ZNF441: variants seen among roughly 807,000 people sequenced by gnomAD.
ZNF441 encodes the protein zinc finger protein 441.
In ZNF441, 25 loss-of-function variants were observed where a neutral mutation model predicts 64.5. The observed-to-expected ratio is 0.39, with a 90% CI of 0.28 to 0.54. The LOEUF is 0.54. ZNF441 is among the 20% of genes least tolerant of loss of function. ZNF441 has a pLI of 0.70. For missense variants in ZNF441, 715 were observed against 843.3 expected (o/e 0.85, Z 1.88); for synonymous variants, 262 against 268.0 (o/e 0.98, Z 0.22).
At chr19:11,774,292 A>G (rs1180862048) in intron 1 of ZNF441, among the ~76,000 whole-genome samples, 1 of 152,192 alleles carries the variant, frequency 6.6e-6, no homozygotes, top group African/African-American at 2.4e-5. Flanking sequence ...TCAGATAGGT[A>G]TAAGAAAACT....
chr19:11,778,820 A>G (rs1489775782), intron 3 of ZNF441, among the ~76,000 whole-genome samples: 1 of 152,222 alleles, frequency 6.6e-6, no homozygotes, highest in Non-Finnish European at 1.5e-5. Flanking sequence ...TATTCTTAGA[A>G]AATTTTCTTC....
intron 3 of ZNF441, 107 bp from the exon 4 acceptor site, chr19:11,779,912 G>GA (rs527271364): frequency 0.021 from 19,329 of 899,100 alleles, 2 homozygotes; most frequent in Middle Eastern, 0.029. Flanking sequence ...ACCTGTCTCA[G>GA]AAAAAAAAAA....
In ZNF441 at chr19:11,782,192, A is replaced by G. The variant is rs1975410662; in HGVS notation, c.*286A>G. 8.1e-6 allele frequency: 2 copies of G among 246,444 alleles called. No individual in the cohort carries two copies. The highest frequency in any genetic ancestry group is 1.6e-5 in the Non-Finnish European group (2 of 128,310). 15.3% of individuals were successfully genotyped at this position (246,444 alleles called of 1,614,324 possible). ...CCTTACTACTGTAAGGAATGTAGAA[A>G]TGCATTTACTAGTCCTAATTCATTT... On this transcript the variant is annotated 3_prime_UTR_variant, in exon 4 of 4. Coordinates refer to ENST00000357901, the MANE Select transcript of ZNF441 (RefSeq NM_152355.3).
At chr19:11,779,657 A>G (rs571383212) in intron 3 of ZNF441, among the ~76,000 whole-genome samples, 106 of 152,064 alleles carry the variant, frequency 7.0e-4, no homozygotes, top group African/African-American at 2.5e-3. Context: ...AGGCAGGAGA[A>G]TGGTGTGAAC....
chr19:11,778,857 G>T (rs1196047764), intron 3 of ZNF441, among the ~76,000 whole-genome samples: 2 of 152,088 alleles, frequency 1.3e-5, no homozygotes, highest in African/African-American at 4.8e-5. Context: ...ATGTGACATG[G>T]CTATGGCTAT....
At chr19:11,777,548 G>A (rs1975364778) in intron 1 of ZNF441, 63 bp from the exon 2 acceptor site, 1 of 1,557,554 alleles carries the variant, frequency 6.4e-7, no homozygotes, top group Non-Finnish European at 8.7e-7. Context: ...GTTATGAAGT[G>A]AATTTACATT....
In ZNF441 at chr19:11,780,463, G is replaced by A; in HGVS notation, c.639G>A (p.Met213Ile). The A allele has an allele frequency of 1.2e-6, 2 of 1,614,182 alleles. No individual in the cohort carries two copies. Among genetic ancestry groups the A allele is most frequent in the East Asian group, 2.2e-5 (1 of 44,884 alleles). Residue 213 changes from methionine (M) to isoleucine (I), a missense_variant, in exon 4 of 4, where the codon ATG (methionine) becomes ATA (isoleucine). Coordinates refer to ENST00000357901, the MANE Select transcript of ZNF441 (RefSeq NM_152355.3). ...TTATTTGGCCTAGTTTATTTCATATGCTTAGAAGAACTCACACTGAAGAGA... is the reference window on the plus strand; with the variant it reads ...TTATTTGGCCTAGTTTATTTCATATACTTAGAAGAACTCACACTGAAGAGA... ...NAFIWPSLFH[M>I]LRRTHTEEKP... is the part of the protein sequence containing the mutation.
At position 11,782,076 on chromosome 19, in the gene ZNF441, AAT is replaced by A; in HGVS notation, c.*180_*181del. The A allele has an allele frequency of 3.0e-5, 15 of 507,026 alleles. No homozygotes were observed. Among genetic ancestry groups the A allele is most frequent in the South Asian group, 4.4e-5 (1 of 22,488 alleles). 31.4% of individuals were successfully genotyped at this position (507,026 alleles called of 1,614,324 possible). On this transcript the variant is annotated 3_prime_UTR_variant, in exon 4 of 4. Transcript: ENST00000357901. ...AACATGACCAAACTCATACTTCAAAAATATATATATAATGAATGTGAGGAATA... is the reference window on the plus strand; with the variant it reads ...AACATGACCAAACTCATACTTCAAAAATATATATAATGAATGTGAGGAATA...
In ZNF441 at chr19:11,777,670, G is replaced by T. The variant is rs1329686835; in HGVS notation, c.63G>T (p.Leu21=). The part of the protein sequence containing the change: ...INFTCEEWAL[L]GPSQKSLYRD... ...TCACCTGTGAGGAGTGGGCTTTGCTGGGTCCATCACAGAAGAGTCTCTACA... is the reference window on the plus strand; with the variant it reads ...TCACCTGTGAGGAGTGGGCTTTGCTTGGTCCATCACAGAAGAGTCTCTACA... The change falls in exon 2 of 4, where the codon CTG becomes CTT. Residue 21 remains leucine (L), a synonymous_variant. Coordinates refer to ENST00000357901, the MANE Select transcript of ZNF441 (RefSeq NM_152355.3). 1.9e-6 allele frequency: 3 copies of T among 1,613,750 alleles called. No individual in the cohort carries two copies. The highest frequency in any genetic ancestry group is 2.2e-5 in the South Asian group (2 of 91,054).
chr19:11,776,799 G>C (rs1975358226), intron 1 of ZNF441, among the ~76,000 whole-genome samples: 2 of 148,942 alleles, frequency 1.3e-5, no homozygotes, highest in Admixed American at 1.4e-4. Context: ...ACAGTGACCA[G>C]AGTGTTTTTT....
intron 1 of ZNF441, among the ~76,000 whole-genome samples, chr19:11,768,501 G>C (rs1241185384): frequency 6.6e-6 from 1 of 152,172 alleles, no homozygotes; most frequent in Non-Finnish European, 1.5e-5. Context: ...CTTTGGAAAC[G>C]TTACAGAGTG....
At position 11,782,677 on chromosome 19, in the gene ZNF441, C is replaced by G. The variant is rs1010757250; in HGVS notation, c.*771C>G. The G allele has an allele frequency of 5.3e-5, 8 of 152,130 alleles. No homozygotes were observed. The East Asian group carries it at 1.5e-3, about 29-fold the overall frequency. 9.4% of individuals were successfully genotyped at this position (152,130 alleles called of 1,614,324 possible). A position where few individuals can be genotyped will look rare whatever the true frequency, so the allele number is the denominator to read the frequency against. On this transcript the variant is annotated 3_prime_UTR_variant, in exon 4 of 4. Coordinates refer to ENST00000357901, the MANE Select transcript of ZNF441 (RefSeq NM_152355.3). ...ATCTCCATAATTGCAGCTGCTTTAG[C>G]TACAAATATTATAGGAAGCTGTTCC...
chr19:11,781,510 G>T lies in ZNF441; in HGVS notation c.1686G>T (p.Gln562His). 1 of 1,614,050 alleles carries T rather than the reference G, an allele frequency of 6.2e-7. No homozygotes were observed. The highest frequency in any genetic ancestry group is 1.1e-5 in the South Asian group (1 of 91,084). The change falls in exon 4 of 4, where the codon CAG (glutamine) becomes CAT (histidine). Residue 562 changes from glutamine (Q) to histidine (H), a missense_variant. Gln to His is a conservative substitution (Grantham distance 24, BLOSUM62 0). Transcript: ENST00000357901. ...THTGEKPYGC[Q>H]QCGKALSDLS... is the part of the protein sequence containing the mutation. ...CTGGAGAGAAACCCTATGGTTGTCAGCAATGTGGGAAAGCATTATCTGATC... is the reference window on the plus strand; with the variant it reads ...CTGGAGAGAAACCCTATGGTTGTCATCAATGTGGGAAAGCATTATCTGATC...
intron 2 of ZNF441, 108 bp from the exon 3 acceptor site, chr19:11,778,222 C>A: frequency 1.3e-6 from 1 of 770,420 alleles, no homozygotes; most frequent in Non-Finnish European, 2.1e-6. Context: ...GAAGACTCAG[C>A]TGTAGTTTGG....
At chr19:11,774,322 C>T (rs1975338213) in intron 1 of ZNF441, among the ~76,000 whole-genome samples, 1 of 152,108 alleles carries the variant, frequency 6.6e-6, no homozygotes, top group Non-Finnish European at 1.5e-5. Flanking sequence ...CAAATGTCTT[C>T]ATTTAATTCT....
Position 11,781,417 on chromosome 19 carries a change from T to TA in ZNF441, c.1595dup (p.Cys533ValfsTer2). 6.2e-7 allele frequency: 1 copy of TA among 1,614,034 alleles called. No individual in the cohort carries two copies. The highest frequency in any genetic ancestry group is 1.3e-5 in the African/African-American group (1 of 75,000). ...GAATTCACACTGGGGAGAGACCCTA[T>TA]AAGTGTAAACTATGTGGGAAAGGCT... On this transcript the variant is annotated frameshift_variant, in exon 4 of 4. Coordinates refer to ENST00000357901, the MANE Select transcript of ZNF441 (RefSeq NM_152355.3). LOFTEE classifies it high-confidence loss of function.
intron 1 of ZNF441, among the ~76,000 whole-genome samples, chr19:11,775,074 G>A (rs547034865): frequency 8.7e-4 from 132 of 152,300 alleles, no homozygotes; most frequent in African/African-American, 2.9e-3. Flanking sequence ...GCAGCTAAAA[G>A]TAAAAAAGAC....
chr19:11,770,453 G>A (rs974531761), intron 1 of ZNF441, among the ~76,000 whole-genome samples: 8 of 152,138 alleles, frequency 5.3e-5, no homozygotes, highest in African/African-American at 1.7e-4. Flanking sequence ...ATTAGAAAGT[G>A]TTCCCTCTGC....
chr19:11,781,788 C>T lies in ZNF441; in HGVS notation c.1964C>T (p.Pro655Leu), dbSNP rs1975406345. The stretch of plus-strand genomic sequence containing the variant: ...GAATGTGGGAAACCATTCCATTGTC[C>T]CAGTGCCTTTCATAAACATGAAAGG... The part of the protein sequence containing the change: ...CKECGKPFHC[P>L]SAFHKHERTH... The change falls in exon 4 of 4, where the codon CCC becomes CTC. Residue 655 changes from proline to leucine, a missense_variant. Pro to Leu is a moderately conservative substitution (Grantham distance 98). This residue lies in a region of ZNF441 where 316 missense variants were observed against 429.3 expected (regional missense o/e 0.74). Coordinates refer to ENST00000357901, the MANE Select transcript of ZNF441 (RefSeq NM_152355.3). 4 of 1,613,956 alleles carry T rather than the reference C, an allele frequency of 2.5e-6. No individual in the cohort carries two copies. The highest frequency in any genetic ancestry group is 3.4e-6 in the Non-Finnish European group (4 of 1,179,926).
Sources: allele counts gnomAD v4.1 joint callset (sites outside exome capture counted in the v4.1 genomes callset), GRCh38; gene constraint gnomAD v4.1.1; regional missense constraint gnomAD v4.1.1; transcripts MANE v1.5; gene names NCBI Gene and HGNC (gene_info 2026-07-23, HGNC 2026-07-21).